The following DMD variants were observed in gnomAD, a reference collection of about 807,000 sequenced individuals.
DMD encodes the protein dystrophin.
DMD carries 63 observed loss-of-function variants against 330.1 expected under a neutral mutation model. The ratio of observed to expected loss-of-function variants is 0.19; its 90% CI spans 0.16 to 0.24. DMD has a LOEUF of 0.24. Among genes scored for constraint, DMD ranks in the 10% least tolerant of loss-of-function variants. The pLI is 1.00. For synonymous variants in DMD, 1,223 were observed against 959.8 expected, an observed-to-expected ratio of 1.27 and a Z score of -5.07; for missense variants, 3,344 against 2,684.1, an observed-to-expected ratio of 1.25 and a Z score of -5.43.
intron 11 of DMD, among the ~76,000 whole-genome samples, chrX:32,638,875 G>A (rs1376912441): frequency 9.1e-6 from 1 of 110,434 alleles, no homozygotes; most frequent in African/African-American, 3.3e-5. Context: ...CTTATTTCCA[G>A]AGTCAAATAG....
At chrX:31,530,713 T>C (rs1308125620) in intron 55 of DMD, among the ~76,000 whole-genome samples, 1 of 72,570 alleles carries the variant, frequency 1.4e-5, no homozygotes, top group Non-Finnish European at 2.6e-5. Context: ...TTAGGGTACA[T>C]GTGCACATTG....
At chrX:31,669,296 C>A (rs191849626) in intron 53 of DMD, among the ~76,000 whole-genome samples, 2 of 111,876 alleles carry the variant, frequency 1.8e-5, no homozygotes, top group South Asian at 3.8e-4. Flanking sequence ...CTTTTTATAA[C>A]AGCCATTCTA....
At chrX:31,608,201 T>G in intron 55 of DMD, among the ~76,000 whole-genome samples, 1 of 111,921 alleles carries the variant, frequency 8.9e-6, no homozygotes, top group Non-Finnish European at 1.9e-5. Flanking sequence ...AAGTATCAGT[T>G]CAGTTCTCCT....
intron 44 of DMD, among the ~76,000 whole-genome samples, chrX:32,097,265 G>A (rs1478684195): frequency 9.1e-6 from 1 of 110,175 alleles, no homozygotes; most frequent in Non-Finnish European, 1.9e-5. Flanking sequence ...CCCACCTCGC[G>A]ACAGGCCTCG....
chrX:32,962,409 T>C (rs2091936338), intron 2 of DMD, among the ~76,000 whole-genome samples: 1 of 111,939 alleles, frequency 8.9e-6, no homozygotes, highest in African/African-American at 3.2e-5. Flanking sequence ...CGTGCTTCTA[T>C]AGGTAAATTT....
At chrX:31,643,214 T>G (rs2148518327) in intron 54 of DMD, among the ~76,000 whole-genome samples, 1 of 112,047 alleles carries the variant, frequency 8.9e-6, no homozygotes, top group South Asian at 3.7e-4. Context: ...ATATGCTTTC[T>G]TTTTCACCTT....
In DMD at chrX:32,786,688, C is replaced by A. The variant is rs746785944; in HGVS notation, c.649+22805G>T. 6.3e-5 allele frequency among the ~76,000 whole-genome samples: 7 copies of A among 111,405 alleles called. No individual in the cohort carries two copies. The South Asian group carries it at 1.5e-3, about 24-fold the overall frequency. ...TTAGCCCTGTAATAAAATGAGTAAC[C>A]TTTTAGTTAATGCAAAGAAAATATT... is the stretch of plus-strand genomic sequence containing the variant. On this transcript the variant is annotated intron_variant, in intron 7 of 78. Coordinates refer to ENST00000357033, the MANE Select transcript of DMD (RefSeq NM_004006.3).
intron 16 of DMD, among the ~76,000 whole-genome samples, chrX:32,562,171 T>G (rs2051094323): frequency 8.9e-6 from 1 of 111,872 alleles, no homozygotes; most frequent in East Asian, 2.8e-4. Context: ...CCCTCTTTTC[T>G]CATTGTAAGC....
At chrX:32,575,244 T>C (rs1273517139) in intron 13 of DMD, among the ~76,000 whole-genome samples, 1 of 111,376 alleles carries the variant, frequency 9.0e-6, no homozygotes, top group African/African-American at 3.3e-5. Flanking sequence ...GTTTCTTAAA[T>C]TGTTTAATCT....
rs1309078920 is a variant in DMD at position 32,998,193 on chromosome X, TTCTCCAAA to T, written c.93+21938_93+21945del. ...CTTGGCAACATAGCAAGACCCTCAT[TTCTCCAAA>T]AAGTAAAAAAAATAATAAATTAGCC... On this transcript the variant is annotated intron_variant, in intron 2 of 78. Coordinates refer to ENST00000357033, the MANE Select transcript of DMD (RefSeq NM_004006.3). 1.0e-4 allele frequency among the ~76,000 whole-genome samples: 11 copies of T among 107,969 alleles called. 1 individual carries two copies. The allele number at this position is 107,969 out of a possible 115,157, so 93.8% of individuals were successfully genotyped here. A position where few individuals can be genotyped will look rare whatever the true frequency, so the allele number is the denominator to read the frequency against.
chrX:31,974,072 C>T (rs2095418689), intron 44 of DMD, among the ~76,000 whole-genome samples: 1 of 111,800 alleles, frequency 8.9e-6, no homozygotes, highest in Non-Finnish European at 1.9e-5. Context: ...CCATGAAATA[C>T]TACATAGTCA....
At chrX:33,153,492 C>T (rs1284261862) in intron 1 of DMD, among the ~76,000 whole-genome samples, 2 of 112,581 alleles carry the variant, frequency 1.8e-5, no homozygotes, top group Non-Finnish European at 3.8e-5. Flanking sequence ...TATTTACTAC[C>T]TTAATGTTAC....
intron 7 of DMD, among the ~76,000 whole-genome samples, chrX:32,776,734 G>A (rs923610294): frequency 5.4e-5 from 6 of 111,621 alleles, no homozygotes; most frequent in African/African-American, 1.6e-4. Flanking sequence ...GGGACACAGA[G>A]CCAAATTATA....
At chrX:33,094,431 G>A (rs1277564789) in intron 1 of DMD, among the ~76,000 whole-genome samples, 1 of 112,121 alleles carries the variant, frequency 8.9e-6, no homozygotes, top group Non-Finnish European at 1.9e-5. Flanking sequence ...AGAAGAAATA[G>A]CAAGGAGTAG....
intron 1 of DMD, among the ~76,000 whole-genome samples, chrX:33,048,345 G>A (rs2094410246): frequency 9.0e-6 from 1 of 111,374 alleles, no homozygotes; most frequent in African/African-American, 3.3e-5. Flanking sequence ...ACACAATCAT[G>A]TGTCACAAAT....
At chrX:32,930,274 G>A (rs1053480618) in intron 2 of DMD, among the ~76,000 whole-genome samples, 19 of 110,734 alleles carry the variant, frequency 1.7e-4, no homozygotes, top group African/African-American at 5.2e-4. Context: ...TATCACTTTC[G>A]CACCATCCTA....
intron 2 of DMD, among the ~76,000 whole-genome samples, chrX:32,867,189 CTT>C (rs2082583426): frequency 9.1e-6 from 1 of 109,303 alleles, no homozygotes; most frequent in Non-Finnish European, 1.9e-5. Context: ...AAAAAGTTGA[CTT>C]TATTTTTCTC....
chrX:31,531,539 TA>T (rs1174818113), intron 55 of DMD, among the ~76,000 whole-genome samples: 1 of 83,752 alleles, frequency 1.2e-5, no homozygotes, highest in Non-Finnish European at 2.2e-5. Context: ...TTTTTTCTTG[TA>T]AATTTGTTTG....
At chrX:32,752,295 G>A (rs774607637) in intron 7 of DMD, among the ~76,000 whole-genome samples, 5 of 111,207 alleles carry the variant, frequency 4.5e-5, no homozygotes, top group Admixed American at 9.6e-5. Context: ...CCAAGACCAC[G>A]TGAACCCCTC....
Sources: gnomAD v4.1 joint callset for allele counts (sites outside exome capture counted in the v4.1 genomes callset) on GRCh38, gnomAD v4.1.1 for gene constraint, MANE v1.5 for transcripts, NCBI Gene and HGNC (gene_info 2026-07-23, HGNC 2026-07-21) for gene names.